GRIK3: variants seen among roughly 807,000 people sequenced by gnomAD.
The protein encoded by GRIK3 is glutamate receptor ionotropic, kainate 3.
A neutral mutation model predicts 102.5 loss-of-function variants in GRIK3; 29 were observed. The ratio of observed to expected loss-of-function variants is 0.28; its 90% CI spans 0.21 to 0.39. The LOEUF is 0.39. Ranked by LOEUF, GRIK3 falls within the 10% of genes least tolerant of loss-of-function variation. The pLI, the probability that GRIK3 is intolerant of heterozygous loss-of-function variation, is 1.00. For synonymous variants in GRIK3, 511 were observed against 504.9 expected, an observed-to-expected ratio of 1.01 and a Z score of -0.16; for missense variants, 908 against 1,252.4, an observed-to-expected ratio of 0.73 and a Z score of 4.15.
intron 7 of GRIK3, among the ~76,000 whole-genome samples, chr1:36,858,535 C>A (rs1640680243): frequency 6.6e-6 from 1 of 152,170 alleles, no homozygotes; most frequent in Non-Finnish European, 1.5e-5. Context: ...GAATCAGCTC[C>A]ATTGATGGGG....
At chr1:36,846,154 C>G (rs564366886) in intron 9 of GRIK3, among the ~76,000 whole-genome samples, 1 of 151,924 alleles carries the variant, frequency 6.6e-6, no homozygotes, top group Non-Finnish European at 1.5e-5. Flanking sequence ...TTCATGAGCT[C>G]GTGGAAGAGC....
chr1:37,006,162 TGTG>T (rs1171603926), intron 1 of GRIK3, among the ~76,000 whole-genome samples: 1 of 152,186 alleles, frequency 6.6e-6, no homozygotes, highest in Non-Finnish European at 1.5e-5. Context: ...CCTTGGGGAC[TGTG>T]GCTCCCTGGG....
intron 1 of GRIK3, among the ~76,000 whole-genome samples, chr1:36,951,838 G>A (rs1052928932): frequency 3.9e-5 from 6 of 151,990 alleles, no homozygotes; most frequent in African/African-American, 1.4e-4. Context: ...AAGAAGCAGA[G>A]AGAAGGAGGT....
chr1:36,970,151 G>C (rs1002362900), intron 1 of GRIK3, among the ~76,000 whole-genome samples: 4 of 152,190 alleles, frequency 2.6e-5, no homozygotes, highest in African/African-American at 9.7e-5. Context: ...TACAGAGGCA[G>C]AATTGACTGG....
intron 2 of GRIK3, among the ~76,000 whole-genome samples, chr1:36,888,936 A>G (rs1222104852): frequency 6.6e-6 from 1 of 151,978 alleles, no homozygotes; most frequent in Non-Finnish European, 1.5e-5. Flanking sequence ...TCCTGCAGGG[A>G]TCGTAAGGAA....
chr1:36,844,771 C>T (rs1640500948), intron 9 of GRIK3, among the ~76,000 whole-genome samples: 1 of 152,128 alleles, frequency 6.6e-6, no homozygotes, highest in Non-Finnish European at 1.5e-5. Flanking sequence ...CATTATCATC[C>T]TTATCTTTTT....
chr1:37,028,497 T>A (rs1380563045), intron 1 of GRIK3, among the ~76,000 whole-genome samples: 1 of 152,092 alleles, frequency 6.6e-6, no homozygotes, highest in African/African-American at 2.4e-5. Context: ...GAGGCAAATA[T>A]GCCACACAGC....
At chr1:37,033,515 CTG>C (rs991900919) in intron 1 of GRIK3, among the ~76,000 whole-genome samples, 12 of 152,304 alleles carry the variant, frequency 7.9e-5, no homozygotes, top group African/African-American at 2.9e-4. Flanking sequence ...TCATGCGAAT[CTG>C]TGCCCTGCGA....
rs1256526709 is a variant in GRIK3 at position 36,896,831 on chromosome 1, G to GA, written c.116-5736dup. 2.0e-5 allele frequency among the ~76,000 whole-genome samples: 3 copies of GA among 152,142 alleles called. No individual in the cohort carries two copies. In the East Asian group the frequency reaches 5.8e-4, roughly 29 times the overall value. On this transcript the variant is annotated intron_variant, in intron 1 of 15. Coordinates refer to ENST00000373091, the MANE Select transcript of GRIK3 (RefSeq NM_000831.4). Reference sequence around the variant, plus strand: ...TGAACAAATGAAAAATTTATTCCTGGAATGCAAGGATGGTTCAAAACAACT... The same window carrying GA: ...TGAACAAATGAAAAATTTATTCCTGGAAATGCAAGGATGGTTCAAAACAACT...
At chr1:36,932,406 C>A (rs1641600719) in intron 1 of GRIK3, among the ~76,000 whole-genome samples, 1 of 152,156 alleles carries the variant, frequency 6.6e-6, no homozygotes, top group Non-Finnish European at 1.5e-5. Context: ...ACAGTCCCCT[C>A]TTGTACCAGA....
Position 36,883,287 on chromosome 1 carries a change from G to A in GRIK3, c.293-2396C>T, listed in dbSNP as rs74482374. Among the ~76,000 whole-genome samples, 724 of 152,318 alleles carry A rather than the reference G, an allele frequency of 4.8e-3. 1 individual carries two copies. Among genetic ancestry groups the A allele is most frequent in the Middle Eastern group, 0.01 (3 of 294 alleles). On this transcript the variant is annotated intron_variant, in intron 2 of 15. Coordinates refer to ENST00000373091, the MANE Select transcript of GRIK3 (RefSeq NM_000831.4). The stretch of plus-strand genomic sequence containing the variant: ...CCTTCATCACAATCTGGAAAGTCAG[G>A]TGAGAATGGAGACTTCTCCTACACA...
Position 36,812,718 on chromosome 1 carries a change from G to A in GRIK3, c.2091+4342C>T, listed in dbSNP as rs901897240. 4.6e-5 allele frequency among the ~76,000 whole-genome samples: 7 copies of A among 151,824 alleles called. No individual in the cohort carries two copies. In the East Asian group the frequency reaches 5.8e-4, roughly 13 times the overall value. On this transcript the variant is annotated intron_variant, in intron 13 of 15. Transcript: ENST00000373091. ...CAGCATCCCGCTTCCTGCTGTTGTC[G>A]TCTTTGGACAGAAACAGGTTCCCTC...
rs182881197 is a variant in GRIK3 at position 36,890,161 on chromosome 1, C to T, written c.292+759G>A. 1.5e-4 allele frequency among the ~76,000 whole-genome samples: 23 copies of T among 152,188 alleles called. No individual in the cohort carries two copies. In the East Asian group the frequency reaches 3.9e-3, roughly 26 times the overall value. On this transcript the variant is annotated intron_variant, in intron 2 of 15. Coordinates refer to ENST00000373091, the MANE Select transcript of GRIK3 (RefSeq NM_000831.4). ...TCTGCAGATCAGCTCTGAGATTCAG[C>T]AGAGTGGCCTCAAAAATGTCAGAAT... is the stretch of plus-strand genomic sequence containing the variant.
chr1:36,889,612 C>A (rs1030597708), intron 2 of GRIK3, among the ~76,000 whole-genome samples: 2 of 152,024 alleles, frequency 1.3e-5, no homozygotes, highest in African/African-American at 4.8e-5. Context: ...AGCTAGGTTT[C>A]TGTCTTGGGC....
intron 1 of GRIK3, among the ~76,000 whole-genome samples, chr1:37,002,941 T>C (rs1219761124): frequency 6.6e-6 from 1 of 151,958 alleles, no homozygotes; most frequent in Non-Finnish European, 1.5e-5. Flanking sequence ...GCACGGCCAA[T>C]GTTGCATTTC....
chr1:36,884,996 G>C (rs1173658085), intron 2 of GRIK3, among the ~76,000 whole-genome samples: 1 of 152,238 alleles, frequency 6.6e-6, no homozygotes, highest in African/African-American at 2.4e-5. Flanking sequence ...CTTCAAAGAA[G>C]TGACTTTTAT....
chr1:36,973,400 A>T (rs1170067847), intron 1 of GRIK3, among the ~76,000 whole-genome samples: 1 of 149,388 alleles, frequency 6.7e-6, no homozygotes, highest in Non-Finnish European at 1.5e-5. Flanking sequence ...GTCAGCTTAG[A>T]CATCACTTCT....
chr1:36,931,207 A>G (rs1641584918), intron 1 of GRIK3, among the ~76,000 whole-genome samples: 1 of 152,222 alleles, frequency 6.6e-6, no homozygotes, highest in Non-Finnish European at 1.5e-5. Context: ...ATGACTCTTA[A>G]TAAAAGCAGG....
At chr1:36,917,380 G>A (rs1321923244) in intron 1 of GRIK3, among the ~76,000 whole-genome samples, 1 of 152,160 alleles carries the variant, frequency 6.6e-6, no homozygotes, top group East Asian at 1.9e-4. Flanking sequence ...AAACTTTGGG[G>A]GACTGTTGGG....
Sources: allele counts gnomAD v4.1 joint callset (sites outside exome capture counted in the v4.1 genomes callset), GRCh38; gene constraint gnomAD v4.1.1; transcripts MANE v1.5; gene names NCBI Gene and HGNC (gene_info 2026-07-23, HGNC 2026-07-21).